Variants in NDUFAF2 observed in about 807,000 individuals in gnomAD.
NDUFAF2 encodes NADH:ubiquinone oxidoreductase complex assembly factor 2, also known as NADH dehydrogenase [ubiquinone] 1 alpha subcomplex assembly factor 2.
NDUFAF2 carries 13 observed loss-of-function variants against 22.8 expected under a neutral mutation model. The observed-to-expected ratio is 0.57, with a 90% CI of 0.37 to 0.91. NDUFAF2 has a LOEUF of 0.91. Among genes scored for constraint, NDUFAF2 ranks in the 40% least tolerant of loss-of-function variants. NDUFAF2 has a pLI of 0.01. For missense variants in NDUFAF2, 162 were observed against 195.2 expected (o/e 0.83, Z 1.01); for synonymous variants, 53 against 64.2 (o/e 0.83, Z 0.84).
intron 1 of NDUFAF2, among the ~76,000 whole-genome samples, chr5:61,034,838 A>T (rs905596692): frequency 6.6e-6 from 1 of 152,080 alleles, no homozygotes; most frequent in Non-Finnish European, 1.5e-5. Flanking sequence ...AAATGACACA[A>T]AATAGCTGTC....
chr5:60,992,219 G>A (rs765135651), intron 1 of NDUFAF2, among the ~76,000 whole-genome samples: 5 of 152,028 alleles, frequency 3.3e-5, no homozygotes, highest in Non-Finnish European at 7.4e-5. Flanking sequence ...ATGGGTAGTT[G>A]GCAAATATTT....
At chr5:60,945,561 C>G (rs1750428038) in intron 1 of NDUFAF2, 179 bp downstream of exon 1, 3 of 962,450 alleles carry the variant, frequency 3.1e-6, no homozygotes. Context: ...GGAGCCCTAC[C>G]CGGCCCGGCT....
chr5:61,053,900 T>C (rs1487258912), intron 1 of NDUFAF2, among the ~76,000 whole-genome samples: 33 of 152,072 alleles, frequency 2.2e-4, no homozygotes, highest in Non-Finnish European at 1.2e-4. Context: ...GGGAGGGAAA[T>C]AGTAGAAAAA....
intron 1 of NDUFAF2, among the ~76,000 whole-genome samples, chr5:60,992,647 T>C (rs1411618230): frequency 6.6e-6 from 1 of 152,212 alleles, no homozygotes; most frequent in Non-Finnish European, 1.5e-5. Context: ...CTGGTGATTA[T>C]TTATTGCTCA....
chr5:61,057,672 A>C (rs1752116291), intron 1 of NDUFAF2, among the ~76,000 whole-genome samples: 1 of 152,116 alleles, frequency 6.6e-6, no homozygotes, highest in Admixed American at 6.5e-5. Context: ...ATAGTTTTGT[A>C]AATTGAACCT....
chr5:61,001,370 AC>A (rs1451808368), intron 1 of NDUFAF2, among the ~76,000 whole-genome samples: 1 of 152,114 alleles, frequency 6.6e-6, no homozygotes, highest in Non-Finnish European at 1.5e-5. Flanking sequence ...ATTTCCCTGT[AC>A]AACTTTTATT....
At chr5:61,056,428 C>T (rs752695473) in intron 1 of NDUFAF2, among the ~76,000 whole-genome samples, 5 of 152,148 alleles carry the variant, frequency 3.3e-5, no homozygotes, top group Admixed American at 1.3e-4. Context: ...TTTTCTTTTT[C>T]ATGCTCCTAC....
chr5:61,038,892 C>T, intron 1 of NDUFAF2, among the ~76,000 whole-genome samples: 1 of 151,628 alleles, frequency 6.6e-6, no homozygotes, highest in East Asian at 1.9e-4. Context: ...GTCATTTGCC[C>T]ATTTCTCTTC....
rs551920594 is a variant in NDUFAF2 at position 60,988,210 on chromosome 5, T to G, written c.127+42828T>G. 1.4e-4 allele frequency among the ~76,000 whole-genome samples: 22 copies of G among 151,982 alleles called. No individual in the cohort carries two copies. The South Asian group carries it at 4.4e-3, about 30-fold the overall frequency. ...AGAAAAAGAATAAAATACCTAGGAGTACAGCTAACTAGGGAGGTAAAAGAT... is the reference window on the plus strand; with the variant it reads ...AGAAAAAGAATAAAATACCTAGGAGGACAGCTAACTAGGGAGGTAAAAGAT... On this transcript the variant is annotated intron_variant, in intron 1 of 3. Coordinates refer to ENST00000296597, the MANE Select transcript of NDUFAF2 (RefSeq NM_174889.5).
intron 3 of NDUFAF2, among the ~76,000 whole-genome samples, chr5:61,142,466 T>G (rs1741073490): frequency 6.6e-6 from 1 of 152,142 alleles, no homozygotes; most frequent in African/African-American, 2.4e-5. Context: ...TGAGATAGCC[T>G]TCTTGCAATT....
At chr5:61,048,295 A>G (rs190562268) in intron 1 of NDUFAF2, among the ~76,000 whole-genome samples, 6 of 152,166 alleles carry the variant, frequency 3.9e-5, no homozygotes, top group African/African-American at 1.4e-4. Flanking sequence ...AAACAGATAA[A>G]TATTCATATT....
At chr5:61,143,373 A>C (rs1408790762) in intron 3 of NDUFAF2, among the ~76,000 whole-genome samples, 2 of 152,134 alleles carry the variant, frequency 1.3e-5, no homozygotes, top group African/African-American at 4.8e-5. Context: ...ACTAGTATAT[A>C]TGGTTTAAAT....
intron 1 of NDUFAF2, among the ~76,000 whole-genome samples, chr5:60,948,288 C>T (rs181326506): frequency 2.4e-4 from 36 of 152,274 alleles, no homozygotes; most frequent in Middle Eastern, 3.4e-3. Flanking sequence ...GGCGCTATCT[C>T]GGCTTACTGC....
chr5:61,089,611 G>T (rs1184190217), intron 2 of NDUFAF2, among the ~76,000 whole-genome samples: 4 of 151,944 alleles, frequency 2.6e-5, no homozygotes, highest in Non-Finnish European at 5.9e-5. Flanking sequence ...CAAGTATCTG[G>T]TTATTGTACA....
At chr5:60,971,494 A>G (rs902764430) in intron 1 of NDUFAF2, among the ~76,000 whole-genome samples, 10 of 151,612 alleles carry the variant, frequency 6.6e-5, no homozygotes, top group African/African-American at 2.2e-4. Context: ...TCACCGTGTT[A>G]GCCAGGATGG....
rs560884772 is a variant in NDUFAF2, at chr5:61,012,506, T to G, written c.128-60619T>G. Among the ~76,000 whole-genome samples the G allele has an allele frequency of 2.3e-3, 347 of 152,264 alleles. 2 individuals are homozygous for G. The highest frequency in any genetic ancestry group is 7.8e-3 in the African/African-American group (326 of 41,594). On this transcript the variant is annotated intron_variant, in intron 1 of 3. Transcript: ENST00000296597. ...AATTCACAATTAAAATTTATTCTGT[T>G]ATTTTTTCCTTTTCCAATCTAGTAC...
intron 3 of NDUFAF2, among the ~76,000 whole-genome samples, chr5:61,106,693 C>G (rs1164016028): frequency 6.6e-6 from 1 of 150,632 alleles, no homozygotes; most frequent in African/African-American, 2.5e-5. Context: ...CCCCCTAACA[C>G]CCAGACTACC....
intron 1 of NDUFAF2, among the ~76,000 whole-genome samples, chr5:60,965,741 A>G (rs1420338210): frequency 6.6e-6 from 1 of 152,166 alleles, no homozygotes; most frequent in Admixed American, 6.5e-5. Flanking sequence ...GTGTATATAT[A>G]CCACATTTTC....
chr5:61,030,664 A>G (rs547019842), intron 1 of NDUFAF2, among the ~76,000 whole-genome samples: 11 of 152,286 alleles, frequency 7.2e-5, no homozygotes, highest in South Asian at 2.1e-4. Flanking sequence ...TAAAAGTTCA[A>G]TACATCTAAA....
Sources: allele counts gnomAD v4.1 joint callset (sites outside exome capture counted in the v4.1 genomes callset), GRCh38; gene constraint gnomAD v4.1.1; transcripts MANE v1.5; gene names NCBI Gene and HGNC (gene_info 2026-07-23, HGNC 2026-07-21).